USP25: variants seen among roughly 807,000 people sequenced by gnomAD.
USP25 encodes ubiquitin carboxyl-terminal hydrolase 25.
A neutral mutation model predicts 158.5 loss-of-function variants in USP25; 85 were observed. That is an observed-to-expected ratio of 0.54 (90% confidence interval 0.45 to 0.64). The LOEUF is 0.64. Among genes scored for constraint, USP25 ranks in the 30% least tolerant of loss-of-function variants. USP25 has a pLI of 0.00. For missense variants in USP25, 1,242 were observed against 1,327.3 expected (o/e 0.94, Z 1.00); for synonymous variants, 464 against 460.4 (o/e 1.01, Z -0.10).
chr21:15,818,471 A>G lies in USP25; in HGVS notation c.932-227A>G, dbSNP rs570776614. 3.9e-5 allele frequency among the ~76,000 whole-genome samples: 6 copies of G among 152,250 alleles called. No individual in the cohort carries two copies. In the South Asian group the frequency reaches 1.0e-3, roughly 26 times the overall value. On this transcript the variant is annotated intron_variant, in intron 9 of 25. Coordinates refer to ENST00000400183, the MANE Select transcript of USP25 (RefSeq NM_001283041.3). ...CTTGCGAGAAAAAATATACATACAT[A>G]TGTGTGTATATAATTACATATATGT...
chr21:15,826,217 G>A lies in USP25; in HGVS notation c.1318G>A (p.Gly440Ser), dbSNP rs781482092. 6.2e-7 allele frequency: 1 copy of A among 1,613,636 alleles called. No homozygotes were observed. Among genetic ancestry groups the A allele is most frequent in the Non-Finnish European group, 8.5e-7 (1 of 1,179,826 alleles). The change falls in exon 13 of 26, where the codon GGT (glycine) becomes AGT (serine). Residue 440 changes from glycine (G) to serine (S), a missense_variant. This residue lies in a region of USP25 where 627 missense variants were observed against 701.4 expected (regional missense o/e 0.89). Transcript: ENST00000400183. The surrounding 1 kb of genome is among the most constrained non-coding windows in gnomAD (Gnocchi z 4.8). ...TATGATTAACAGATATTTAAGCTAT[G>A]GTTCCGGTCCCAAACGATTCCCCTT... The part of the protein sequence containing the change: ...QQRLERYLSY[G>S]SGPKRFPLVD...
chr21:15,872,032 T>G (rs1410273786), intron 23 of USP25, among the ~76,000 whole-genome samples: 1 of 147,956 alleles, frequency 6.8e-6, no homozygotes, highest in African/African-American at 2.5e-5. Context: ...TTTTTTTTTT[T>G]TTTTTTTTAC....
intron 9 of USP25, among the ~76,000 whole-genome samples, chr21:15,815,170 G>T (rs1045569714): frequency 6.6e-6 from 1 of 152,126 alleles, no homozygotes; most frequent in African/African-American, 2.4e-5. Flanking sequence ...TTGAGCCTGC[G>T]GGTGCACAGA....
chr21:15,778,177 A>G lies in USP25; in HGVS notation c.392+150A>G, dbSNP rs540517988. Reference sequence around the variant, plus strand: ...TGTATTTTTAAATTTTATGTAACCAAAATCTTCATATTTAGTTTTGATTGC... The same window carrying G: ...TGTATTTTTAAATTTTATGTAACCAGAATCTTCATATTTAGTTTTGATTGC... On this transcript the variant is annotated intron_variant, in intron 4 of 25. Coordinates refer to ENST00000400183, the MANE Select transcript of USP25 (RefSeq NM_001283041.3). 5.5e-5 allele frequency: 42 copies of G among 768,782 alleles called. No individual in the cohort carries two copies. The East Asian group carries it at 1.2e-3, about 22-fold the overall frequency. 47.6% of individuals were successfully genotyped at this position (768,782 alleles called of 1,614,324 possible). A position where few individuals can be genotyped will look rare whatever the true frequency, so the allele number is the denominator to read the frequency against.
At chr21:15,813,011 C>G (rs1251393635) in intron 9 of USP25, among the ~76,000 whole-genome samples, 1 of 151,842 alleles carries the variant, frequency 6.6e-6, no homozygotes, top group Admixed American at 6.6e-5. Flanking sequence ...CTAAAACTCT[C>G]TTTCCCCCCT....
chr21:15,856,999 C>T (rs1161139812), intron 20 of USP25, among the ~76,000 whole-genome samples: 1 of 152,178 alleles, frequency 6.6e-6, no homozygotes, highest in Non-Finnish European at 1.5e-5. Context: ...TATGTCAGCA[C>T]ACTGATAACT....
At chr21:15,769,965 CG>C (rs959770484) in intron 3 of USP25, among the ~76,000 whole-genome samples, 8 of 151,160 alleles carry the variant, frequency 5.3e-5, no homozygotes, top group East Asian at 1.9e-4. Flanking sequence ...ATTTATAAGC[CG>C]TTTTTTTTTT....
In USP25 at chr21:15,875,001, C is replaced by A. The variant is rs2040044939; in HGVS notation, c.3009+475C>A. On this transcript the variant is annotated intron_variant, in intron 24 of 25. Coordinates refer to ENST00000400183, the MANE Select transcript of USP25 (RefSeq NM_001283041.3). The surrounding 1 kb of genome is among the most constrained non-coding windows in gnomAD (Gnocchi z 4.7). ...CCAACGTGGTGAAACCCCATCTCGA[C>A]TAAAATACACAAACACAAAAATTAG... Among the ~76,000 whole-genome samples, 1 of 152,030 alleles carries A rather than the reference C, an allele frequency of 6.6e-6. No individual in the cohort carries two copies. Among genetic ancestry groups the A allele is most frequent in the African/African-American group, 2.4e-5 (1 of 41,396 alleles).
intron 2 of USP25, 23 bp downstream of exon 2, chr21:15,762,991 T>C (rs1350462059): frequency 1.4e-5 from 23 of 1,599,122 alleles, no homozygotes; most frequent in East Asian, 1.1e-4. Context: ...TTTTATGATA[T>C]ACAGTTTGTG....
At chr21:15,768,267 G>A (rs1273428904) in intron 3 of USP25, among the ~76,000 whole-genome samples, 1 of 152,046 alleles carries the variant, frequency 6.6e-6, no homozygotes, top group Admixed American at 6.6e-5. Context: ...TTGAGATAGT[G>A]TGTCCATAAA....
In USP25 at chr21:15,847,653, C is replaced by T; in HGVS notation, c.2338-10C>T. 1.3e-6 allele frequency: 2 copies of T among 1,531,738 alleles called. No individual in the cohort carries two copies. Among genetic ancestry groups the T allele is most frequent in the East Asian group, 2.5e-5 (1 of 40,802 alleles). 94.9% of individuals were successfully genotyped at this position (1,531,738 alleles called of 1,614,324 possible). A position where few individuals can be genotyped will look rare whatever the true frequency, so the allele number is the denominator to read the frequency against. On this transcript the variant is annotated splice_polypyrimidine_tract_variant and intron_variant, in intron 18 of 25. Coordinates refer to ENST00000400183, the MANE Select transcript of USP25 (RefSeq NM_001283041.3). The stretch of plus-strand genomic sequence containing the variant: ...TTTCTAATGTTTATATTAATGATTT[C>T]CTTCTGCAGAAACCTGAAAATACTA...
intron 12 of USP25, 53 bp downstream of exon 12, chr21:15,825,114 G>C (rs552763956): frequency 7.5e-7 from 1 of 1,339,742 alleles, no homozygotes; most frequent in African/African-American, 1.5e-5. Context: ...CATGTATTTG[G>C]TGACTAGATT....
At chr21:15,736,632 A>C (rs1046303159) in intron 1 of USP25, among the ~76,000 whole-genome samples, 1 of 151,576 alleles carries the variant, frequency 6.6e-6, no homozygotes, top group Non-Finnish European at 1.5e-5. Context: ...TATAATATAA[A>C]ATTTTGATAA....
intron 1 of USP25, among the ~76,000 whole-genome samples, chr21:15,736,121 G>T (rs1050292324): frequency 1.3e-5 from 2 of 150,608 alleles, no homozygotes; most frequent in Non-Finnish European, 3.0e-5. Context: ...TTTTTGAGAC[G>T]GGGTTTTGCT....
In USP25 at chr21:15,762,925, T is replaced by C; in HGVS notation, c.80T>C (p.Ile27Thr). 1.2e-6 allele frequency: 2 copies of C among 1,612,896 alleles called. No individual in the cohort carries two copies. The highest frequency in any genetic ancestry group is 1.7e-6 in the Non-Finnish European group (2 of 1,179,290). ...ACGTTTTTGAATCAACTGAGAGAAA[T>C]TACGGGGATTAATGACACCCAGATA... ...QQTFLNQLRE[I>T]TGINDTQILQ... The change falls in exon 2 of 26, where the codon ATT becomes ACT. Residue 27 changes from isoleucine (I) to threonine (T), a missense_variant. Physicochemically the swap from Ile to Thr is moderately conservative, Grantham distance 89 (BLOSUM62 -1). This residue lies in a region of USP25 where 627 missense variants were observed against 701.4 expected (regional missense o/e 0.89). Coordinates refer to ENST00000400183, the MANE Select transcript of USP25 (RefSeq NM_001283041.3).
chr21:15,768,051 T>A (rs889423223), intron 3 of USP25, among the ~76,000 whole-genome samples: 1 of 152,092 alleles, frequency 6.6e-6, no homozygotes, highest in Admixed American at 6.6e-5. Context: ...TAATTAAAAC[T>A]TTTTTTGTGT....
At chr21:15,789,192 G>T (rs892512352) in intron 4 of USP25, among the ~76,000 whole-genome samples, 3 of 152,036 alleles carry the variant, frequency 2.0e-5, no homozygotes, top group African/African-American at 4.8e-5. Context: ...TAAATATTTT[G>T]TATGTAAACA....
At chr21:15,783,735 A>G (rs1296932106) in intron 4 of USP25, among the ~76,000 whole-genome samples, 2 of 151,966 alleles carry the variant, frequency 1.3e-5, no homozygotes, top group Non-Finnish European at 2.9e-5. Flanking sequence ...AAGCAGGCAG[A>G]TCACGAGGTC....
chr21:15,801,312 A>C (rs1243950813), intron 6 of USP25, among the ~76,000 whole-genome samples: 1 of 151,536 alleles, frequency 6.6e-6, no homozygotes, highest in Non-Finnish European at 1.5e-5. Flanking sequence ...ATATATCAGA[A>C]CGAGTTGTGA....
Sources: gnomAD v4.1 joint callset for allele counts (sites outside exome capture counted in the v4.1 genomes callset) on GRCh38, gnomAD v4.1.1 for gene constraint, gnomAD v4.1.1 regional missense constraint, Gnocchi (gnomAD v3.1) non-coding constraint, MANE v1.5 for transcripts, NCBI Gene and HGNC (gene_info 2026-07-23, HGNC 2026-07-21) for gene names.